Variants in CHN2 observed in about 807,000 individuals in gnomAD.
CHN2 encodes beta-chimaerin.
CHN2 carries 35 observed loss-of-function variants against 56.3 expected under a neutral mutation model. The ratio of observed to expected loss-of-function variants is 0.62; its 90% confidence interval spans 0.47 to 0.82. CHN2 has a LOEUF of 0.82. CHN2 is among the 40% of genes least tolerant of loss of function. The probability of loss-of-function intolerance (pLI) is 0.00; values close to 1 mark genes in which losing one functional copy is unlikely to be tolerated. For missense variants in CHN2, 491 were observed against 580.5 expected (o/e 0.85, Z 1.58); for synonymous variants, 210 against 212.8 (o/e 0.99, Z 0.12).
At chr7:29,312,511 C>G (rs1463071597) in intron 1 of CHN2, among the ~76,000 whole-genome samples, 3 of 152,176 alleles carry the variant, frequency 2.0e-5, no homozygotes, top group Admixed American at 2.0e-4. Context: ...AAGAAGCTAA[C>G]TTTATTATAG....
At chr7:29,453,092 A>T (rs1230415333) in intron 6 of CHN2, among the ~76,000 whole-genome samples, 6 of 152,228 alleles carry the variant, frequency 3.9e-5, no homozygotes, top group Non-Finnish European at 7.3e-5. Context: ...TTGCATGATG[A>T]GTTCATTCTA....
At chr7:29,510,534 G>T (rs1791186228) in intron 12 of CHN2, among the ~76,000 whole-genome samples, 1 of 152,156 alleles carries the variant, frequency 6.6e-6, no homozygotes, top group African/African-American at 2.4e-5. Flanking sequence ...TTCCTTAAAG[G>T]CTGTTGGACT....
intron 3 of CHN2, among the ~76,000 whole-genome samples, chr7:29,374,623 C>G (rs775789715): frequency 2.0e-5 from 3 of 151,964 alleles, no homozygotes; most frequent in Non-Finnish European, 4.4e-5. Flanking sequence ...AGTTCAGAGC[C>G]AAGGGGAGCA....
chr7:29,157,012 A>G (rs1794468506), intron 2 of CHN2, among the ~76,000 whole-genome samples: 1 of 152,094 alleles, frequency 6.6e-6, no homozygotes, highest in Non-Finnish European at 1.5e-5. Flanking sequence ...CCCTACCCCC[A>G]CTTGATGTCA....
chr7:29,209,392 A>G (rs1056109342), intron 1 of CHN2, among the ~76,000 whole-genome samples: 3 of 152,192 alleles, frequency 2.0e-5, no homozygotes, highest in South Asian at 2.1e-4. Context: ...GCAACTATTC[A>G]CTTAGTAATA....
intron 2 of CHN2, among the ~76,000 whole-genome samples, chr7:29,169,080 A>G (rs1044000173): frequency 6.8e-6 from 1 of 147,164 alleles, no homozygotes; most frequent in African/African-American, 2.7e-5. Context: ...TATATAAGAA[A>G]TTTATCTCCC....
intron 1 of CHN2, among the ~76,000 whole-genome samples, chr7:29,281,961 T>C (rs1791755286): frequency 6.6e-6 from 1 of 152,168 alleles, no homozygotes; most frequent in South Asian, 2.1e-4. Context: ...GTGGGAACAC[T>C]CAGGACTCCC....
chr7:29,183,820 CTA>C (rs1252135117), intron 2 of CHN2, among the ~76,000 whole-genome samples: 4 of 152,072 alleles, frequency 2.6e-5, no homozygotes, highest in Non-Finnish European at 2.9e-5. Flanking sequence ...AGTCAGCTCT[CTA>C]TATTTGTAGA....
At chr7:29,227,634 G>C (rs1786314521) in intron 1 of CHN2, among the ~76,000 whole-genome samples, 1 of 152,146 alleles carries the variant, frequency 6.6e-6, no homozygotes, top group South Asian at 2.1e-4. Context: ...GCTGTCACCT[G>C]CCTGGGACCC....
intron 6 of CHN2, among the ~76,000 whole-genome samples, chr7:29,448,300 T>G (rs1374836022): frequency 6.6e-6 from 1 of 152,130 alleles, no homozygotes; most frequent in Admixed American, 6.5e-5. Flanking sequence ...CTTCTTGATA[T>G]TCCCAGAACT....
intron 1 of CHN2, among the ~76,000 whole-genome samples, chr7:29,221,637 C>G (rs192643614): frequency 6.6e-6 from 1 of 152,264 alleles, no homozygotes; most frequent in Non-Finnish European, 1.5e-5. Flanking sequence ...CCAACAGACC[C>G]CAGTGTGTTG....
chr7:29,275,439 A>T (rs1245611437), intron 1 of CHN2, among the ~76,000 whole-genome samples: 1 of 152,168 alleles, frequency 6.6e-6, no homozygotes, highest in African/African-American at 2.4e-5. Context: ...TTTGTACCTG[A>T]GTGTTTTCCC....
At chr7:29,505,139 C>T (rs1182853182) in intron 10 of CHN2, among the ~76,000 whole-genome samples, 3 of 152,124 alleles carry the variant, frequency 2.0e-5, no homozygotes, top group African/African-American at 7.2e-5. Context: ...GATGGGAGGG[C>T]ACCCCCAGCA....
At chr7:29,170,499 G>A (rs932360813) in intron 2 of CHN2, among the ~76,000 whole-genome samples, 15 of 152,096 alleles carry the variant, frequency 9.9e-5, no homozygotes, top group African/African-American at 3.1e-4. Context: ...ATCTGGGGAC[G>A]AATTTAAGTA....
chr7:29,309,590 G>A (rs1794435402), intron 1 of CHN2, among the ~76,000 whole-genome samples: 1 of 152,208 alleles, frequency 6.6e-6, no homozygotes, highest in Admixed American at 6.5e-5. Flanking sequence ...CTAGTGGCAT[G>A]TGGCAGTCTG....
At chr7:29,418,661 T>G (rs1804021781) in intron 6 of CHN2, among the ~76,000 whole-genome samples, 1 of 152,218 alleles carries the variant, frequency 6.6e-6, no homozygotes, top group Non-Finnish European at 1.5e-5. Context: ...GCTACTTCCC[T>G]CAGTTTCCCT....
At chr7:29,355,720 G>A (rs1022797927) in intron 2 of CHN2, among the ~76,000 whole-genome samples, 7 of 146,486 alleles carry the variant, frequency 4.8e-5, no homozygotes, top group African/African-American at 7.6e-5. Context: ...GCTGGCCACC[G>A]CACCAAGCAG....
chr7:29,475,241 A>G (rs76706260), intron 6 of CHN2, among the ~76,000 whole-genome samples: 4,157 of 152,266 alleles, frequency 0.027, 156 homozygotes, highest in African/African-American at 0.08. Context: ...TCAAAAAAAG[A>G]AGAAAAAAAA....
chr7:29,442,561 C>A (rs899647023), intron 6 of CHN2, among the ~76,000 whole-genome samples: 1 of 152,176 alleles, frequency 6.6e-6, no homozygotes, highest in Admixed American at 6.5e-5. Flanking sequence ...TGAACCATCC[C>A]ACTCTGAGAG....
Sources: gnomAD v4.1 joint callset for allele counts (sites outside exome capture counted in the v4.1 genomes callset) on GRCh38, gnomAD v4.1.1 for gene constraint, MANE v1.5 for transcripts, NCBI Gene and HGNC (gene_info 2026-07-23, HGNC 2026-07-21) for gene names.